MPZL3: variants seen among roughly 807,000 people sequenced by gnomAD.
MPZL3 encodes myelin protein zero-like protein 3.
In MPZL3, 23 loss-of-function variants were observed where a neutral mutation model predicts 24.8. The ratio of observed to expected loss-of-function variants is 0.93; its 90% CI spans 0.67 to 1.31. The LOEUF (loss-of-function observed/expected upper bound fraction) is 1.31, where lower values mean the gene tolerates loss of function less well. MPZL3 is among the 40% of genes most tolerant of loss of function. The probability of loss-of-function intolerance (pLI) is 0.00; values close to 1 mark genes in which losing one functional copy is unlikely to be tolerated. For missense variants in MPZL3, 277 were observed against 294.9 expected, an observed-to-expected ratio of 0.94 and a Z score of 0.44; for synonymous variants, 99 against 106.5, an observed-to-expected ratio of 0.93 and a Z score of 0.44.
At chr11:118,243,015 C>G (rs1051253395) in intron 1 of MPZL3, among the ~76,000 whole-genome samples, 1 of 152,010 alleles carries the variant, frequency 6.6e-6, no homozygotes, top group African/African-American at 2.4e-5. Flanking sequence ...ATAGTACATG[C>G]AATACTCTTA....
In MPZL3 at chr11:118,235,419, C is replaced by A. The variant is rs778291857; in HGVS notation, c.617+5G>T. On this transcript the variant is annotated splice_donor_5th_base_variant and intron_variant, in intron 4 of 5. Transcript: ENST00000278949. The stretch of plus-strand genomic sequence containing the variant: ...CTTGCTGCCCAGGGCTCCTGCTGGA[C>A]TTACTCATCGGAAACCTCAATAGAT... The A allele has an allele frequency of 1.2e-6, 2 of 1,613,240 alleles. No homozygotes were observed. Among genetic ancestry groups the A allele is most frequent in the Admixed American group, 1.7e-5 (1 of 59,992 alleles).
At chr11:118,238,218 T>A (rs966285318) in intron 2 of MPZL3, among the ~76,000 whole-genome samples, 3 of 152,140 alleles carry the variant, frequency 2.0e-5, no homozygotes, top group South Asian at 2.1e-4. Context: ...ATACAACTAG[T>A]AAGTGACAAA....
At chr11:118,235,252 A>G (rs991942618) in intron 4 of MPZL3, among the ~76,000 whole-genome samples, 172 bp downstream of exon 4, 1 of 152,194 alleles carries the variant, frequency 6.6e-6, no homozygotes, top group African/African-American at 2.4e-5. Context: ...ATTCACACAC[A>G]TCACTTTCAA....
rs1949576312 is a variant in MPZL3, at chr11:118,248,127, G to C, written c.73+4095C>G. ...GTCTCACTCTGTTGCCCAGGCTGCA[G>C]TGCAGTGGCGCGATCTTGGCTCACT... On this transcript the variant is annotated intron_variant, in intron 1 of 5. Coordinates refer to ENST00000278949, the MANE Select transcript of MPZL3 (RefSeq NM_198275.3). Among the ~76,000 whole-genome samples, 3 of 127,890 alleles carry C rather than the reference G, an allele frequency of 2.3e-5. No homozygotes were observed. The South Asian group carries it at 7.8e-4, about 33-fold the overall frequency. The allele number at this position is 127,890 out of a possible 152,430, so 83.9% of individuals were successfully genotyped here. A position where few individuals can be genotyped will look rare whatever the true frequency, so the allele number is the denominator to read the frequency against.
intron 3 of MPZL3, among the ~76,000 whole-genome samples, chr11:118,235,828 G>C (rs1001509128): frequency 2.0e-5 from 3 of 152,032 alleles, no homozygotes; most frequent in Non-Finnish European, 4.4e-5. Flanking sequence ...AGGGGTATCG[G>C]GTATGGGGTG....
chr11:118,240,068 G>T, intron 2 of MPZL3, 143 bp downstream of exon 2: 1 of 754,576 alleles, frequency 1.3e-6, no homozygotes, highest in Non-Finnish European at 2.0e-6. Context: ...ATGTCATATA[G>T]GATAAAAGTT....
chr11:118,242,203 C>T (rs760394513), intron 1 of MPZL3, among the ~76,000 whole-genome samples: 4 of 152,134 alleles, frequency 2.6e-5, no homozygotes, highest in Non-Finnish European at 4.4e-5. Flanking sequence ...GTTGTGAGAC[C>T]GTGATCTCGG....
At chr11:118,237,007 G>C (rs1219783010) in intron 3 of MPZL3, 43 bp downstream of exon 3, 1 of 1,562,764 alleles carries the variant, frequency 6.4e-7, no homozygotes. Flanking sequence ...CACCACAGCA[G>C]TCACAGAGCA....
rs928320270 is a variant in MPZL3 at position 118,228,399 on chromosome 11, T to C, written c.*1495A>G. ...GTGAGGGGATAATTTTTGTCTCTCATAATTGAGAAGTAAATCCAATCACTA... is the reference window on the plus strand; with the variant it reads ...GTGAGGGGATAATTTTTGTCTCTCACAATTGAGAAGTAAATCCAATCACTA... On this transcript the variant is annotated 3_prime_UTR_variant, in exon 6 of 6. Transcript: ENST00000278949. 1.3e-5 allele frequency: 2 copies of C among 152,228 alleles called. No individual in the cohort carries two copies. The highest frequency in any genetic ancestry group is 3.8e-4 in the East Asian group (2 of 5,202). The allele number at this position is 152,228 out of a possible 1,614,324, so 9.4% of individuals were successfully genotyped here.
chr11:118,234,833 T>C (rs530070104), intron 4 of MPZL3, among the ~76,000 whole-genome samples: 1 of 152,140 alleles, frequency 6.6e-6, no homozygotes, highest in Non-Finnish European at 1.5e-5. Flanking sequence ...AAAGGGGTTT[T>C]ACGTAGATTT....
At chr11:118,236,834 T>C (rs1470626595) in intron 3 of MPZL3, among the ~76,000 whole-genome samples, 3 of 152,134 alleles carry the variant, frequency 2.0e-5, no homozygotes, top group African/African-American at 7.2e-5. Context: ...GGAGAAACTA[T>C]GACAAAATTT....
rs1949299438 is a variant in MPZL3 at position 118,228,334 on chromosome 11, A to G, written c.*1560T>C. On this transcript the variant is annotated 3_prime_UTR_variant, in exon 6 of 6. Transcript: ENST00000278949. ...AACTTCCTGAACCACCTAATGAAAA[A>G]TCATGAAAAGGGATCAACCTGTTGA... 1 of 152,208 alleles carries G rather than the reference A, an allele frequency of 6.6e-6. No homozygotes were observed. Among genetic ancestry groups the G allele is most frequent in the African/African-American group, 2.4e-5 (1 of 41,458 alleles). 9.4% of individuals were successfully genotyped at this position (152,208 alleles called of 1,614,324 possible). A position where few individuals can be genotyped will look rare whatever the true frequency, so the allele number is the denominator to read the frequency against.
intron 1 of MPZL3, among the ~76,000 whole-genome samples, chr11:118,240,731 AG>A (rs1397788913): frequency 2.7e-5 from 3 of 112,280 alleles, no homozygotes; most frequent in Non-Finnish European, 5.6e-5. Context: ...CATCCCCCGC[AG>A]ACACACACAC....
chr11:118,240,217 T>C lies in MPZL3; in HGVS notation c.234A>G (p.Thr78=), dbSNP rs1025678336. 3 of 1,562,300 alleles carry C rather than the reference T, an allele frequency of 1.9e-6. No individual in the cohort carries two copies. In the African/African-American group the frequency reaches 4.2e-5, roughly 22 times the overall value. The part of the protein sequence containing the change: ...WTYRPPSSSH[T]VSIFHYQSFQ... ...CGAAAAAGTACACACTTACTGATACTGTGTGGCTGCTGCTGGGAGGGCGAT... is the reference window on the plus strand; with the variant it reads ...CGAAAAAGTACACACTTACTGATACCGTGTGGCTGCTGCTGGGAGGGCGAT... The change falls in exon 2 of 6, where the codon ACA becomes ACG. Residue 78 remains threonine (T), a synonymous_variant. Coordinates refer to ENST00000278949, the MANE Select transcript of MPZL3 (RefSeq NM_198275.3).
chr11:118,242,362 G>A (rs528171540), intron 1 of MPZL3, among the ~76,000 whole-genome samples: 3 of 152,236 alleles, frequency 2.0e-5, no homozygotes, highest in East Asian at 3.9e-4. Context: ...AACATGAAAC[G>A]CTTGGCACAG....
intron 1 of MPZL3, among the ~76,000 whole-genome samples, chr11:118,246,065 T>C (rs940494563): frequency 6.6e-6 from 1 of 152,172 alleles, no homozygotes; most frequent in Non-Finnish European, 1.5e-5. Flanking sequence ...CTGACTGTGT[T>C]ACACATACAC....
chr11:118,248,169 G>A (rs758207329), intron 1 of MPZL3, among the ~76,000 whole-genome samples: 14 of 134,444 alleles, frequency 1.0e-4, no homozygotes, highest in African/African-American at 2.4e-4. Flanking sequence ...TCCACCTCCC[G>A]GGTTCAAATG....
intron 1 of MPZL3, among the ~76,000 whole-genome samples, chr11:118,242,662 G>A (rs991484625): frequency 6.6e-6 from 1 of 152,142 alleles, no homozygotes; most frequent in Admixed American, 6.6e-5. Flanking sequence ...TCCTGCCTGG[G>A]TTGTTCCCCA....
chr11:118,231,281 A>G (rs1949347604), intron 5 of MPZL3, among the ~76,000 whole-genome samples: 1 of 152,226 alleles, frequency 6.6e-6, no homozygotes, highest in South Asian at 2.1e-4. Flanking sequence ...TTTCCTAGAA[A>G]TAATTCTCCA....
Sources: gnomAD v4.1 joint callset for allele counts (sites outside exome capture counted in the v4.1 genomes callset) on GRCh38, gnomAD v4.1.1 for gene constraint, MANE v1.5 for transcripts, NCBI Gene and HGNC (gene_info 2026-07-23, HGNC 2026-07-21) for gene names.